CHST11: variants seen among roughly 807,000 people sequenced by gnomAD.
The protein encoded by CHST11 is carbohydrate sulfotransferase 11, also known as C4S-1.
In CHST11, 9 loss-of-function variants were observed where a neutral mutation model predicts 30.4. The ratio of observed to expected loss-of-function variants is 0.30; its 90% CI spans 0.18 to 0.52. The LOEUF (loss-of-function observed/expected upper bound fraction) is 0.52. Among genes scored for constraint, CHST11 ranks in the 20% least tolerant of loss-of-function variants. CHST11 has a pLI of 0.97. For missense variants in CHST11, 348 were observed against 460.6 expected, an observed-to-expected ratio of 0.76 and a Z score of 2.24; for synonymous variants, 152 against 187.8, an observed-to-expected ratio of 0.81 and a Z score of 1.56.
chr12:104,727,450 G>T (rs2040225146), intron 2 of CHST11, among the ~76,000 whole-genome samples: 1 of 152,226 alleles, frequency 6.6e-6, no homozygotes, highest in African/African-American at 2.4e-5. Flanking sequence ...TGGCTATGGG[G>T]CCAGCAGGAA....
intron 2 of CHST11, among the ~76,000 whole-genome samples, chr12:104,606,322 CAGGATGAGGAGG>C (rs926626930): frequency 1.4e-4 from 21 of 150,964 alleles, no homozygotes; most frequent in Admixed American, 5.9e-4. Flanking sequence ...CTCCAGGAAG[CAGGATGAGGAGG>C]AGGATGAGGA....
At chr12:104,575,835 T>G (rs756549263) in intron 1 of CHST11, among the ~76,000 whole-genome samples, 3 of 152,050 alleles carry the variant, frequency 2.0e-5, no homozygotes, top group Non-Finnish European at 4.4e-5. Flanking sequence ...CAGAAATTGC[T>G]TATCGGGGTA....
At chr12:104,529,647 G>T (rs1211481984) in intron 1 of CHST11, among the ~76,000 whole-genome samples, 1 of 152,106 alleles carries the variant, frequency 6.6e-6, no homozygotes, top group Admixed American at 6.6e-5. Flanking sequence ...TTCATCTCCT[G>T]GTCCAAGGTG....
rs754975544 is a variant in CHST11, at chr12:104,757,774, T to C, written c.1030T>C (p.Ser344Pro). The change falls in exon 3 of 3, where the codon TCA (serine) becomes CCA (proline). Residue 344 changes from serine (S) to proline (P), a missense_variant. By Grantham distance (74) the Ser-to-Pro change is moderately conservative. Coordinates refer to ENST00000303694, the MANE Select transcript of CHST11 (RefSeq NM_018413.6). The surrounding 1 kb of genome is among the most constrained non-coding windows in gnomAD (Gnocchi z 6.5). ...YKLDFLMFNY[S>P]VPSYLKLE is the part of the protein sequence containing the mutation. ...ACTCGATTTTTTAATGTTCAATTAC[T>C]CAGTGCCAAGCTACCTGAAATTGGA... 6.8e-6 allele frequency: 11 copies of C among 1,614,022 alleles called. No homozygotes were observed. Among genetic ancestry groups the C allele is most frequent in the Non-Finnish European group, 8.5e-6 (10 of 1,179,900 alleles).
At chr12:104,655,200 G>A (rs2039531883) in intron 2 of CHST11, among the ~76,000 whole-genome samples, 1 of 152,254 alleles carries the variant, frequency 6.6e-6, no homozygotes, top group Non-Finnish European at 1.5e-5. Flanking sequence ...CTTGCTTTTG[G>A]TGGAAGGGTG....
intron 2 of CHST11, among the ~76,000 whole-genome samples, chr12:104,685,945 G>A (rs947712590): frequency 6.6e-6 from 1 of 152,152 alleles, no homozygotes. Context: ...CATTTCTATA[G>A]GCTGGGCACA....
At chr12:104,505,766 G>A (rs779730083) in intron 1 of CHST11, among the ~76,000 whole-genome samples, 4 of 152,168 alleles carry the variant, frequency 2.6e-5, no homozygotes, top group South Asian at 2.1e-4. Flanking sequence ...AAATGTAGCC[G>A]TTCCTTTCAC....
chr12:104,498,951 G>T (rs543385781), intron 1 of CHST11, among the ~76,000 whole-genome samples: 1 of 151,098 alleles, frequency 6.6e-6, no homozygotes, highest in African/African-American at 2.4e-5. Flanking sequence ...ATCTTTTCTT[G>T]ATCTTCTTAA....
At chr12:104,577,022 TACTAAG>T (rs11279590) in intron 1 of CHST11, among the ~76,000 whole-genome samples, 23,026 of 151,754 alleles carry the variant, frequency 0.15, 2,383 homozygotes, top group African/African-American at 0.3. Context: ...TGGACCTCGG[TACTAAG>T]ACTCCAGAGG....
At chr12:104,580,774 T>C (rs566252929) in intron 1 of CHST11, among the ~76,000 whole-genome samples, 1 of 152,344 alleles carries the variant, frequency 6.6e-6, no homozygotes, top group South Asian at 2.1e-4. Context: ...TTGTTTTCTT[T>C]TTTTGTAGAG....
intron 2 of CHST11, among the ~76,000 whole-genome samples, chr12:104,686,863 G>A (rs991997177): frequency 6.6e-6 from 1 of 152,146 alleles, no homozygotes; most frequent in Non-Finnish European, 1.5e-5. Context: ...GGTCAGGCTG[G>A]TCTCAAACTC....
chr12:104,619,793 A>G (rs553060708), intron 2 of CHST11, among the ~76,000 whole-genome samples: 40 of 152,316 alleles, frequency 2.6e-4, no homozygotes, highest in African/African-American at 8.2e-4. Flanking sequence ...CCCATTCACC[A>G]AGGGTAAAGA....
intron 2 of CHST11, among the ~76,000 whole-genome samples, chr12:104,661,609 G>A (rs906271590): frequency 2.0e-5 from 3 of 152,130 alleles, no homozygotes; most frequent in South Asian, 2.1e-4. Flanking sequence ...AGCAAACAGC[G>A]CTTAGCATGT....
At chr12:104,682,798 C>T (rs2039810235) in intron 2 of CHST11, among the ~76,000 whole-genome samples, 1 of 152,232 alleles carries the variant, frequency 6.6e-6, no homozygotes, top group South Asian at 2.1e-4. Context: ...ATCCCAGTGA[C>T]AGCAGCATAG....
intron 2 of CHST11, among the ~76,000 whole-genome samples, chr12:104,716,924 A>T (rs1022521926): frequency 5.3e-5 from 8 of 152,222 alleles, no homozygotes; most frequent in Non-Finnish European, 1.2e-4. Flanking sequence ...AATCAAATCA[A>T]GGGGATTATT....
At chr12:104,630,668 A>G (rs868637680) in intron 2 of CHST11, among the ~76,000 whole-genome samples, 3 of 152,230 alleles carry the variant, frequency 2.0e-5, no homozygotes, top group South Asian at 4.1e-4. Flanking sequence ...TCAAGTTACT[A>G]AAGCAAATTG....
intron 2 of CHST11, among the ~76,000 whole-genome samples, chr12:104,753,566 A>G (rs1312172154): frequency 2.6e-5 from 4 of 152,266 alleles, no homozygotes; most frequent in African/African-American, 9.6e-5. Flanking sequence ...ATGGGGACCC[A>G]TGACCACTGG....
At chr12:104,475,661 TATATATATATA>T (rs201483678) in intron 1 of CHST11, among the ~76,000 whole-genome samples, 22,196 of 96,024 alleles carry the variant, frequency 0.23, 2,717 homozygotes, top group African/African-American at 0.35. Context: ...AGCAGCATTA[TATATATATATA>T]TATATATATA....
intron 1 of CHST11, among the ~76,000 whole-genome samples, chr12:104,519,784 GA>G (rs1319066961): frequency 2.0e-5 from 3 of 152,204 alleles, no homozygotes; most frequent in Admixed American, 2.0e-4. Flanking sequence ...CTGCAGCATG[GA>G]AACATGGTTG....
Sources: allele counts gnomAD v4.1 joint callset (sites outside exome capture counted in the v4.1 genomes callset), GRCh38; gene constraint gnomAD v4.1.1; non-coding constraint Gnocchi (gnomAD v3.1); transcripts MANE v1.5; gene names NCBI Gene and HGNC (gene_info 2026-07-23, HGNC 2026-07-21).